RAB10: variants seen among roughly 807,000 people sequenced by gnomAD.
RAB10 encodes ras-related protein Rab-10.
A neutral mutation model predicts 25.7 loss-of-function variants in RAB10; 5 were observed. The observed-to-expected ratio is 0.19, with a 90% CI of 0.10 to 0.41. The LOEUF (loss-of-function observed/expected upper bound fraction) is 0.41. Ranked by LOEUF, RAB10 falls within the 10% of genes least tolerant of loss-of-function variation. The probability of loss-of-function intolerance (pLI) is 1.00; values close to 1 mark genes in which losing one functional copy is unlikely to be tolerated. For missense variants in RAB10, 103 were observed against 245.8 expected, an observed-to-expected ratio of 0.42 and a Z score of 3.89; for synonymous variants, 89 against 86.4, an observed-to-expected ratio of 1.03 and a Z score of -0.16.
At chr2:26,131,627 T>C (rs945262565) in intron 5 of RAB10, among the ~76,000 whole-genome samples, 54 of 152,316 alleles carry the variant, frequency 3.5e-4, no homozygotes, top group African/African-American at 1.2e-3. Context: ...TCCCACCTTG[T>C]TCCCTTTAAT....
At chr2:26,070,749 T>C (rs1559584139) in intron 1 of RAB10, among the ~76,000 whole-genome samples, 1 of 152,228 alleles carries the variant, frequency 6.6e-6, no homozygotes, top group Non-Finnish European at 1.5e-5. Context: ...CTTTTAAGAT[T>C]ATTGCAAGGA....
chr2:26,060,897 T>G (rs1000742974), intron 1 of RAB10, among the ~76,000 whole-genome samples: 1 of 152,280 alleles, frequency 6.6e-6, no homozygotes, highest in East Asian at 1.9e-4. Flanking sequence ...AGCTTCCATT[T>G]TGCTACTTGA....
At position 26,034,546 on chromosome 2, in the gene RAB10, C is replaced by G; in HGVS notation, c.-63C>G. Reference sequence around the variant, plus strand: ...TGAGAACGCCCGAGTGAGGAGTTGGCCGTAGTGAGAGGGACCGATCCCTTG... The same window carrying G: ...TGAGAACGCCCGAGTGAGGAGTTGGGCGTAGTGAGAGGGACCGATCCCTTG... On this transcript the variant is annotated 5_prime_UTR_variant, in exon 1 of 6. Transcript: ENST00000264710. 6.2e-7 allele frequency: 1 copy of G among 1,604,358 alleles called. No homozygotes were observed. The highest frequency in any genetic ancestry group is 1.7e-5 in the Admixed American group (1 of 58,974).
intron 3 of RAB10, among the ~76,000 whole-genome samples, chr2:26,115,543 CAG>C (rs1667665547): frequency 6.6e-6 from 1 of 152,038 alleles, no homozygotes; most frequent in African/African-American, 2.4e-5. Flanking sequence ...AACATAGAGA[CAG>C]AAAGTAGATT....
At chr2:26,047,591 A>G (rs1243408124) in intron 1 of RAB10, among the ~76,000 whole-genome samples, 1 of 149,068 alleles carries the variant, frequency 6.7e-6, no homozygotes, top group Non-Finnish European at 1.5e-5. Flanking sequence ...TAATTTTTGT[A>G]TTTTTAGTAG....
At chr2:26,134,412 C>T (rs1272086082) in intron 5 of RAB10, among the ~76,000 whole-genome samples, 1 of 152,210 alleles carries the variant, frequency 6.6e-6, no homozygotes, top group Non-Finnish European at 1.5e-5. Context: ...GCACTGTGCT[C>T]AGCCATCTAT....
At chr2:26,034,796 A>G in intron 1 of RAB10, 61 bp downstream of exon 1, 1 of 1,591,488 alleles carries the variant, frequency 6.3e-7, no homozygotes, top group South Asian at 1.1e-5. Flanking sequence ...ATTTTACTCC[A>G]GACATCTTGC....
At chr2:26,117,716 G>C (rs1277378139) in intron 3 of RAB10, among the ~76,000 whole-genome samples, 1 of 152,134 alleles carries the variant, frequency 6.6e-6, no homozygotes, top group Non-Finnish European at 1.5e-5. Flanking sequence ...AGCCTGGGAG[G>C]TGAGAGGAGC....
intron 3 of RAB10, among the ~76,000 whole-genome samples, chr2:26,124,823 G>A (rs1667874405): frequency 6.6e-6 from 1 of 151,976 alleles, no homozygotes; most frequent in Non-Finnish European, 1.5e-5. Flanking sequence ...GAATTTGACT[G>A]TTATAGGTAC....
intron 1 of RAB10, among the ~76,000 whole-genome samples, chr2:26,054,034 T>C (rs1282050364): frequency 6.9e-6 from 1 of 143,940 alleles, no homozygotes; most frequent in Non-Finnish European, 1.5e-5. Context: ...TTTTCCCTTC[T>C]GTTCTTTTTT....
chr2:26,060,280 G>GT (rs941023387), intron 1 of RAB10, among the ~76,000 whole-genome samples: 3 of 150,232 alleles, frequency 2.0e-5, no homozygotes, highest in East Asian at 1.9e-4. Flanking sequence ...GTTCTTTTTT[G>GT]TTTTTTTGTT....
intron 1 of RAB10, among the ~76,000 whole-genome samples, chr2:26,069,335 A>G (rs1006342530): frequency 6.6e-6 from 1 of 152,156 alleles, no homozygotes; most frequent in African/African-American, 2.4e-5. Context: ...ATTTTTTTCT[A>G]TAATTTAAAC....
chr2:26,072,170 G>C (rs538568463), intron 1 of RAB10, among the ~76,000 whole-genome samples: 11 of 152,244 alleles, frequency 7.2e-5, no homozygotes, highest in African/African-American at 2.4e-4. Flanking sequence ...TGTAATCCCA[G>C]CACTTTGGGA....
In RAB10 at chr2:26,051,049, C is replaced by T. The variant is rs139564167; in HGVS notation, c.127+16314C>T. Among the ~76,000 whole-genome samples the T allele has an allele frequency of 5.7e-3, 870 of 152,132 alleles. 3 individuals carry two copies. Among genetic ancestry groups the T allele is most frequent in the Non-Finnish European group, 9.5e-3 (648 of 67,982 alleles). On this transcript the variant is annotated intron_variant, in intron 1 of 5. Transcript: ENST00000264710. ...TCTTCCTGGGTTCAAGTGATCTTCCCACCTCGGCCTCCTAAGTAGCTAGGA... is the reference window on the plus strand; with the variant it reads ...TCTTCCTGGGTTCAAGTGATCTTCCTACCTCGGCCTCCTAAGTAGCTAGGA...
At chr2:26,074,637 T>G (rs1356811839) in intron 1 of RAB10, among the ~76,000 whole-genome samples, 1 of 152,234 alleles carries the variant, frequency 6.6e-6, no homozygotes, top group African/African-American at 2.4e-5. Context: ...CAGGCTAGTC[T>G]CAAACTCCTG....
upstream of RAB10, among the ~76,000 whole-genome samples, chr2:26,033,305 T>C (rs1665666593): frequency 6.6e-6 from 1 of 152,184 alleles, no homozygotes; most frequent in Non-Finnish European, 1.5e-5. Context: ...GGCAAAGGCC[T>C]GAAGCAGGTT....
chr2:26,054,640 T>TA (rs1666211466), intron 1 of RAB10, among the ~76,000 whole-genome samples: 1 of 152,248 alleles, frequency 6.6e-6, no homozygotes, highest in South Asian at 2.1e-4. Context: ...TCTAAGAGAT[T>TA]AAGCATTTTT....
chr2:26,132,411 G>A (rs766416166), intron 5 of RAB10, among the ~76,000 whole-genome samples: 3 of 152,052 alleles, frequency 2.0e-5, no homozygotes, highest in Non-Finnish European at 2.9e-5. Flanking sequence ...CCGCCACCAC[G>A]CCTGGCGAAT....
chr2:26,039,916 A>G (rs998150595), intron 1 of RAB10, among the ~76,000 whole-genome samples: 21 of 152,262 alleles, frequency 1.4e-4, no homozygotes, highest in African/African-American at 5.1e-4. Flanking sequence ...CTATGCTTAC[A>G]ACTCATCTCA....
Sources: gnomAD v4.1 joint callset for allele counts (sites outside exome capture counted in the v4.1 genomes callset) on GRCh38, gnomAD v4.1.1 for gene constraint, MANE v1.5 for transcripts, NCBI Gene and HGNC (gene_info 2026-07-23, HGNC 2026-07-21) for gene names.